The following UBXN7 variants were observed in gnomAD, a reference collection of about 807,000 sequenced individuals.
UBXN7 encodes the protein UBX domain protein 7.
A neutral mutation model predicts 58.0 loss-of-function variants in UBXN7; 9 were observed. That is an observed-to-expected ratio of 0.16 (90% CI 0.09 to 0.27). The LOEUF (loss-of-function observed/expected upper bound fraction) is 0.27, where lower values mean the gene tolerates loss of function less well. Ranked by LOEUF, UBXN7 falls within the 10% of genes least tolerant of loss-of-function variation. The pLI, the probability that UBXN7 is intolerant of heterozygous loss-of-function variation, is 1.00. For missense variants in UBXN7, 328 were observed against 599.6 expected, an observed-to-expected ratio of 0.55 and a Z score of 4.73; for synonymous variants, 208 against 205.0, an observed-to-expected ratio of 1.01 and a Z score of -0.12.
chr3:196,376,545 C>CAAAAAAA (rs777458391), intron 5 of UBXN7, among the ~76,000 whole-genome samples: 23 of 50,866 alleles, frequency 4.5e-4, no homozygotes, highest in African/African-American at 1.1e-3. Flanking sequence ...GACTCTGTCT[C>CAAAAAAA]AAAAAAAAAA....
chr3:196,425,077 T>G (rs1349350914), intron 1 of UBXN7, among the ~76,000 whole-genome samples: 1 of 152,174 alleles, frequency 6.6e-6, no homozygotes, highest in Non-Finnish European at 1.5e-5. Context: ...ATTCATCTGC[T>G]TCAACAGCTC....
At chr3:196,415,744 T>C (rs1341790062) in intron 1 of UBXN7, among the ~76,000 whole-genome samples, 4 of 151,400 alleles carry the variant, frequency 2.6e-5, no homozygotes, top group African/African-American at 9.7e-5. Flanking sequence ...ATTGTGCCAC[T>C]GCACTCCAGC....
chr3:196,391,978 G>GAA (rs11335716), intron 4 of UBXN7, 53 bp from the exon 5 acceptor site: 349 of 194,764 alleles, frequency 1.8e-3, no homozygotes, highest in South Asian at 5.7e-3. Flanking sequence ...GAATCACACT[G>GAA]AAAAAAAAAA....
At chr3:196,394,705 C>T (rs1729716763) in intron 3 of UBXN7, among the ~76,000 whole-genome samples, 1 of 152,136 alleles carries the variant, frequency 6.6e-6, no homozygotes, top group South Asian at 2.1e-4. Context: ...CACACACATG[C>T]TGCAGATATC....
At chr3:196,366,828 G>A (rs1473745894) in intron 8 of UBXN7, among the ~76,000 whole-genome samples, 3 of 152,098 alleles carry the variant, frequency 2.0e-5, no homozygotes, top group African/African-American at 7.2e-5. Flanking sequence ...GGTGGAGGCT[G>A]TAGCGAGCCA....
chr3:196,429,337 A>C (rs1300422097), intron 1 of UBXN7, among the ~76,000 whole-genome samples: 2 of 152,106 alleles, frequency 1.3e-5, no homozygotes, highest in Admixed American at 1.3e-4. Context: ...AAAAAAAAAA[A>C]AAACATCAGT....
chr3:196,385,825 C>T (rs1280757289), intron 5 of UBXN7, among the ~76,000 whole-genome samples: 2 of 150,952 alleles, frequency 1.3e-5, no homozygotes, highest in South Asian at 2.1e-4. Flanking sequence ...CCGGCCGCCC[C>T]GTCTGGGAAG....
intron 5 of UBXN7, among the ~76,000 whole-genome samples, chr3:196,389,783 T>C (rs1243797289): frequency 6.6e-6 from 1 of 152,184 alleles, no homozygotes; most frequent in Non-Finnish European, 1.5e-5. Flanking sequence ...TTTCTAGCAA[T>C]GCAAGCAAAC....
intron 3 of UBXN7, among the ~76,000 whole-genome samples, chr3:196,395,502 G>A (rs1729740961): frequency 6.6e-6 from 1 of 151,866 alleles, no homozygotes; most frequent in African/African-American, 2.4e-5. Flanking sequence ...GGAGTGCAGT[G>A]GTGTGATCAT....
intron 5 of UBXN7, among the ~76,000 whole-genome samples, chr3:196,382,129 A>G (rs1729226779): frequency 6.6e-6 from 1 of 152,198 alleles, no homozygotes; most frequent in African/African-American, 2.4e-5. Flanking sequence ...AAATTCAGGA[A>G]ATACAGAGAA....
intron 2 of UBXN7, among the ~76,000 whole-genome samples, chr3:196,404,187 T>G (rs1730083285): frequency 6.6e-6 from 1 of 152,110 alleles, no homozygotes; most frequent in African/African-American, 2.4e-5. Context: ...AACTTCCTAA[T>G]TCATTATCTT....
intron 5 of UBXN7, among the ~76,000 whole-genome samples, chr3:196,388,784 A>G (rs1729491176): frequency 6.6e-6 from 1 of 152,188 alleles, no homozygotes; most frequent in African/African-American, 2.4e-5. Flanking sequence ...CTAAACTTCA[A>G]TGACTTAATT....
intron 1 of UBXN7, among the ~76,000 whole-genome samples, chr3:196,411,471 T>C (rs1730322570): frequency 6.6e-6 from 1 of 152,218 alleles, no homozygotes; most frequent in South Asian, 2.1e-4. Flanking sequence ...GCTGGATTCA[T>C]GGATTTAAGA....
intron 2 of UBXN7, among the ~76,000 whole-genome samples, 161 bp from the exon 3 acceptor site, chr3:196,403,180 C>CA (rs1730047015): frequency 6.6e-6 from 1 of 152,102 alleles, no homozygotes; most frequent in South Asian, 2.1e-4. Flanking sequence ...GCGGTGGAGA[C>CA]AGTGTCTCAC....
chr3:196,419,491 A>G (rs1730614386), intron 1 of UBXN7, among the ~76,000 whole-genome samples: 1 of 152,172 alleles, frequency 6.6e-6, no homozygotes, highest in African/African-American at 2.4e-5. Context: ...CATGAAGCAA[A>G]GTATACCATC....
At chr3:196,385,196 G>C (rs1183436235) in intron 5 of UBXN7, among the ~76,000 whole-genome samples, 1 of 152,220 alleles carries the variant, frequency 6.6e-6, no homozygotes, top group Admixed American at 6.5e-5. Flanking sequence ...TGGAGACGGG[G>C]TTTCGCCGTG....
At chr3:196,382,511 C>G (rs1401174492) in intron 5 of UBXN7, among the ~76,000 whole-genome samples, 1 of 152,168 alleles carries the variant, frequency 6.6e-6, no homozygotes, top group Non-Finnish European at 1.5e-5. Context: ...AAAGAAACAA[C>G]CGGTGCCAGC....
At chr3:196,373,021 G>A (rs1050001468) in intron 5 of UBXN7, among the ~76,000 whole-genome samples, 3 of 152,186 alleles carry the variant, frequency 2.0e-5, no homozygotes, top group African/African-American at 7.2e-5. Flanking sequence ...AAAGTGCTGG[G>A]ATTATAGGCG....
At chr3:196,367,148 C>A (rs969634550) in intron 8 of UBXN7, among the ~76,000 whole-genome samples, 2 of 151,628 alleles carry the variant, frequency 1.3e-5, no homozygotes, top group East Asian at 3.9e-4. Context: ...ACACCACTGC[C>A]CTCTAGCCCT....
Sources: allele counts gnomAD v4.1 joint callset (sites outside exome capture counted in the v4.1 genomes callset), GRCh38; gene constraint gnomAD v4.1.1; transcripts MANE v1.5; gene names NCBI Gene and HGNC (gene_info 2026-07-23, HGNC 2026-07-21).